The following RAB3GAP1 variants were observed in gnomAD, a reference collection of about 807,000 sequenced individuals.
RAB3GAP1 encodes rab3 GTPase-activating protein catalytic subunit.
RAB3GAP1 carries 86 observed loss-of-function variants against 130.7 expected under a neutral mutation model. The ratio of observed to expected loss-of-function variants is 0.66; its 90% CI spans 0.55 to 0.79. RAB3GAP1 has a LOEUF of 0.79. RAB3GAP1 is among the 30% of genes least tolerant of loss of function. RAB3GAP1 has a pLI of 0.00. For synonymous variants in RAB3GAP1, 367 were observed against 401.7 expected (o/e 0.91, Z 1.03); for missense variants, 1,029 against 1,169.4 (o/e 0.88, Z 1.75).
intron 17 of RAB3GAP1, among the ~76,000 whole-genome samples, chr2:135,137,963 C>A (rs1691722108): frequency 6.6e-6 from 1 of 151,882 alleles, no homozygotes; most frequent in Admixed American, 6.6e-5. Flanking sequence ...GTAGCTGGAA[C>A]TACAGGTGCA....
At chr2:135,127,187 CTT>C (rs528853214) in intron 11 of RAB3GAP1, among the ~76,000 whole-genome samples, 7 of 133,500 alleles carry the variant, frequency 5.2e-5, no homozygotes, top group Admixed American at 7.5e-5. Context: ...GATGCTTTTT[CTT>C]TTTTTTTTTT....
At position 135,052,481 on chromosome 2, in the gene RAB3GAP1, GAA is replaced by G; in HGVS notation, c.72_73del (p.Arg25ValfsTer6). The G allele has an allele frequency of 3.1e-6, 5 of 1,613,660 alleles. No individual in the cohort carries two copies. Among genetic ancestry groups the G allele is most frequent in the Non-Finnish European group, 4.2e-6 (5 of 1,180,034 alleles). On this transcript the variant is annotated frameshift_variant and splice_region_variant, in exon 2 of 24. Coordinates refer to ENST00000264158, the MANE Select transcript of RAB3GAP1 (RefSeq NM_012233.3). LOFTEE classifies it high-confidence loss of function. ...ITDFTTASEWERFISKVEEVL... is the reference protein window; with the variant it reads ...ITDFTTASEWXRFISKVEEVL... ...GGACTTCACCACTGCCTCGGAATGGGAAAGGTGAGTGAATCGCATTTTTGGTT... is the reference window on the plus strand; with the variant it reads ...GGACTTCACCACTGCCTCGGAATGGGAGGTGAGTGAATCGCATTTTTGGTT...
At chr2:135,101,784 A>G (rs1690455491) in intron 5 of RAB3GAP1, among the ~76,000 whole-genome samples, 1 of 152,124 alleles carries the variant, frequency 6.6e-6, no homozygotes, top group African/African-American at 2.4e-5. Context: ...CTATCCTTTA[A>G]ATACTTTTCT....
chr2:135,175,147 A>G (rs1375397545), downstream of RAB3GAP1, among the ~76,000 whole-genome samples: 1 of 152,248 alleles, frequency 6.6e-6, no homozygotes. Context: ...ATTACCCTGA[A>G]TAAGTGTGTA....
At chr2:135,111,949 T>C (rs1407470220) in intron 5 of RAB3GAP1, among the ~76,000 whole-genome samples, 5 of 152,236 alleles carry the variant, frequency 3.3e-5, no homozygotes, top group Non-Finnish European at 5.9e-5. Context: ...TCAACTATTA[T>C]ATTCATTAGT....
At chr2:135,135,168 T>C (rs1691643707) in intron 15 of RAB3GAP1, 97 bp from the exon 16 acceptor site, 1 of 964,152 alleles carries the variant, frequency 1.0e-6, no homozygotes, top group Non-Finnish European at 1.7e-6. Context: ...TGATTTCTTA[T>C]CAATATAGCT....
chr2:135,087,997 A>C (rs1690036185), intron 3 of RAB3GAP1, among the ~76,000 whole-genome samples: 1 of 152,182 alleles, frequency 6.6e-6, no homozygotes, highest in Non-Finnish European at 1.5e-5. Context: ...GGAATTGAAT[A>C]TGGGATGTTA....
chr2:135,164,946 A>G (rs1179814267), intron 23 of RAB3GAP1, among the ~76,000 whole-genome samples: 1 of 152,152 alleles, frequency 6.6e-6, no homozygotes, highest in Non-Finnish European at 1.5e-5. Flanking sequence ...TCCAAAATCC[A>G]TTGTTATAGA....
intron 3 of RAB3GAP1, among the ~76,000 whole-genome samples, chr2:135,068,850 T>C (rs974665902): frequency 3.9e-5 from 6 of 152,254 alleles, no homozygotes; most frequent in African/African-American, 1.4e-4. Context: ...ATCAATCTGC[T>C]ATGAGAGTTT....
intron 5 of RAB3GAP1, among the ~76,000 whole-genome samples, chr2:135,108,780 A>G (rs921065996): frequency 6.6e-6 from 1 of 152,150 alleles, no homozygotes; most frequent in African/African-American, 2.4e-5. Context: ...AAAGTTATCT[A>G]GATTTTATTC....
chr2:135,166,975 T>C (rs1166627661), intron 23 of RAB3GAP1, among the ~76,000 whole-genome samples: 2 of 152,192 alleles, frequency 1.3e-5, no homozygotes, highest in African/African-American at 4.8e-5. Context: ...AGGGAATTGG[T>C]AGACTGTGTA....
chr2:135,139,048 C>T (rs918428118), intron 17 of RAB3GAP1, among the ~76,000 whole-genome samples: 3 of 152,044 alleles, frequency 2.0e-5, no homozygotes, highest in African/African-American at 4.8e-5. Context: ...TTAATATGTT[C>T]GTTAGCCGTC....
At chr2:135,097,047 C>T (rs1193962048) in intron 5 of RAB3GAP1, among the ~76,000 whole-genome samples, 2 of 151,826 alleles carry the variant, frequency 1.3e-5, no homozygotes, top group Non-Finnish European at 2.9e-5. Flanking sequence ...TAAAATTGGA[C>T]TTTTTGTGGA....
chr2:135,148,313 G>A (rs1692060483), intron 17 of RAB3GAP1, among the ~76,000 whole-genome samples: 1 of 152,078 alleles, frequency 6.6e-6, no homozygotes, highest in Non-Finnish European at 1.5e-5. Context: ...GAAAAATAAT[G>A]ACTTTATATA....
At chr2:135,087,042 T>TTA (rs1690006779) in intron 3 of RAB3GAP1, among the ~76,000 whole-genome samples, 2 of 152,056 alleles carry the variant, frequency 1.3e-5, no homozygotes, top group African/African-American at 4.8e-5. Context: ...ATTTTTAATT[T>TTA]TATTGTTAGT....
At chr2:135,056,029 G>T (rs1011624985) in intron 2 of RAB3GAP1, among the ~76,000 whole-genome samples, 10 of 150,256 alleles carry the variant, frequency 6.7e-5, no homozygotes, top group African/African-American at 2.4e-4. Context: ...GTAGTGGCGG[G>T]GTTTCACTGT....
intron 3 of RAB3GAP1, among the ~76,000 whole-genome samples, chr2:135,070,075 T>A (rs909878857): frequency 1.3e-5 from 2 of 152,256 alleles, no homozygotes; most frequent in African/African-American, 4.8e-5. Context: ...ATTCATACCC[T>A]GTAGTTCAAC....
In RAB3GAP1 at chr2:135,103,726, G is replaced by C. The variant is rs573759656; in HGVS notation, c.363-9425G>C. On this transcript the variant is annotated intron_variant, in intron 5 of 23. Transcript: ENST00000264158. ...GATGAGCAGGTTTAATTCTTTGTTGGCGGGGGAGGGAAGGTACAAAAACTT... is the reference window on the plus strand; with the variant it reads ...GATGAGCAGGTTTAATTCTTTGTTGCCGGGGGAGGGAAGGTACAAAAACTT... Among the ~76,000 whole-genome samples the C allele has an allele frequency of 6.9e-3, 1,057 of 152,174 alleles. 12 individuals carry two copies. Among genetic ancestry groups the C allele is most frequent in the African/African-American group, 0.024 (990 of 41,504 alleles).
At chr2:135,129,969 C>A in intron 11 of RAB3GAP1, 26 bp from the exon 12 acceptor site, 7 of 1,467,572 alleles carry the variant, frequency 4.8e-6, no homozygotes, top group East Asian at 2.3e-5. Flanking sequence ...AGTTAAGTGT[C>A]AAAAATAACT....
Sources: allele counts gnomAD v4.1 joint callset (sites outside exome capture counted in the v4.1 genomes callset), GRCh38; gene constraint gnomAD v4.1.1; transcripts MANE v1.5; gene names NCBI Gene and HGNC (gene_info 2026-07-23, HGNC 2026-07-21).